ELP4: variants seen among roughly 807,000 people sequenced by gnomAD.
ELP4 encodes elongator acetyltransferase complex subunit 4, also known as elongator complex protein 4.
A neutral mutation model predicts 48.9 loss-of-function variants in ELP4; 51 were observed. The observed-to-expected ratio is 1.04, with a 90% CI of 0.83 to 1.32. The LOEUF (loss-of-function observed/expected upper bound fraction) is 1.32. Among genes scored for constraint, ELP4 ranks in the 40% most tolerant of loss-of-function variants. ELP4 has a pLI of 0.00. For missense variants in ELP4, 519 were observed against 514.6 expected (o/e 1.01, Z -0.08); for synonymous variants, 210 against 189.2 (o/e 1.11, Z -0.90).
chr11:31,703,974 A>G (rs1946577844), intron 9 of ELP4, among the ~76,000 whole-genome samples: 1 of 152,234 alleles, frequency 6.6e-6, no homozygotes, highest in South Asian at 2.1e-4. Context: ...TCAGCACTCT[A>G]ACTTAAGCTA....
rs2134291246 is a variant in ELP4 at position 31,783,536 on chromosome 11, T to C, written c.*12T>C. On this transcript the variant is annotated 3_prime_UTR_variant, in exon 10 of 10. Transcript: ENST00000640961. Reference sequence around the variant, plus strand: ...ACCTGGACTTCTAGGGATTCCTCCTTAGTCGCTGCATGCAGAATTCTATGA... The same window carrying C: ...ACCTGGACTTCTAGGGATTCCTCCTCAGTCGCTGCATGCAGAATTCTATGA... 5 of 1,612,350 alleles carry C rather than the reference T, an allele frequency of 3.1e-6. No individual in the cohort carries two copies. The East Asian group carries it at 6.7e-5, about 22-fold the overall frequency.
chr11:31,588,780 C>T (rs1033773496), intron 3 of ELP4, among the ~76,000 whole-genome samples: 21 of 152,076 alleles, frequency 1.4e-4, no homozygotes, highest in Admixed American at 9.2e-4. Flanking sequence ...GTCAGGAGTT[C>T]AAGACCAGCC....
In ELP4 at chr11:31,789,646, T is replaced by C; in HGVS notation, c.*6122T>C. ...CCATCCAGTCTACATTGTTCTTTTT[T>C]TCATTATAACATACAAATGCCCATT... On this transcript the variant is annotated 3_prime_UTR_variant, in exon 10 of 10. Transcript: ENST00000640961. The C allele has an allele frequency of 1.4e-6, 1 of 698,376 alleles. No individual in the cohort carries two copies. The allele number at this position is 698,376 out of a possible 1,614,324, so 43.3% of individuals were successfully genotyped here.
chr11:31,722,665 T>TTCTCTC (rs71060499), intron 9 of ELP4, among the ~76,000 whole-genome samples: 12 of 144,286 alleles, frequency 8.3e-5, no homozygotes, highest in South Asian at 2.2e-4. Flanking sequence ...AAGGTGTCTC[T>TTCTCTC]TCTCTCTCTC....
intron 9 of ELP4, among the ~76,000 whole-genome samples, chr11:31,733,199 G>A (rs920841495): frequency 4.6e-5 from 7 of 152,082 alleles, no homozygotes; most frequent in Non-Finnish European, 5.9e-5. Flanking sequence ...GATTAAAATG[G>A]GCATGGTGGC....
chr11:31,752,249 G>A (rs1947736635), intron 9 of ELP4, among the ~76,000 whole-genome samples: 1 of 151,424 alleles, frequency 6.6e-6, no homozygotes. Flanking sequence ...AAATGTACTT[G>A]ATATAACTTA....
At chr11:31,703,165 G>A (rs1273175989) in intron 9 of ELP4, among the ~76,000 whole-genome samples, 1 of 152,126 alleles carries the variant, frequency 6.6e-6, no homozygotes, top group Non-Finnish European at 1.5e-5. Context: ...GTGACTACGT[G>A]TTTGGTCTCC....
chr11:31,729,498 A>C (rs1043968272), intron 9 of ELP4, among the ~76,000 whole-genome samples: 1 of 152,236 alleles, frequency 6.6e-6, no homozygotes, highest in Non-Finnish European at 1.5e-5. Flanking sequence ...ATACTGACAT[A>C]CTAGAAATTA....
At chr11:31,570,053 G>A (rs2996462) in intron 3 of ELP4, among the ~76,000 whole-genome samples, 59,136 of 152,056 alleles carry the variant, frequency 0.39, 15,077 homozygotes, top group African/African-American at 0.72. Context: ...AAAAAGGCAC[G>A]TCCATATGTA....
rs193061824 is a variant in ELP4, at chr11:31,615,801, A to G, written c.654-11309A>G. ...ACTGAGCAAGTGGTAATTTTGTATT[A>G]GTCCCATCCCTTCATACCTCTTTAA... On this transcript the variant is annotated intron_variant, in intron 5 of 9. Coordinates refer to ENST00000640961, the MANE Select transcript of ELP4 (RefSeq NM_019040.5). Among the ~76,000 whole-genome samples, 231 of 152,084 alleles carry G rather than the reference A, an allele frequency of 1.5e-3. 1 individual carries two copies. Among genetic ancestry groups the G allele is most frequent in the African/African-American group, 5.3e-3 (221 of 41,540 alleles).
At position 31,693,494 on chromosome 11, in the gene ELP4, C is replaced by A. The variant is rs190861389; in HGVS notation, c.1143+43273C>A. Among the ~76,000 whole-genome samples, 13 of 152,110 alleles carry A rather than the reference C, an allele frequency of 8.5e-5. 1 individual carries two copies. The highest frequency in any genetic ancestry group is 6.6e-4 in the Admixed American group (10 of 15,260). ...TCCCTACAAAGGACATGAACTCATC[C>A]TTTTTTATGGCTGCATAGTATTCCA... On this transcript the variant is annotated intron_variant, in intron 9 of 9. Coordinates refer to ENST00000640961, the MANE Select transcript of ELP4 (RefSeq NM_019040.5).
At chr11:31,541,082 A>G (rs1206852903) in intron 3 of ELP4, among the ~76,000 whole-genome samples, 1 of 152,210 alleles carries the variant, frequency 6.6e-6, no homozygotes, top group Admixed American at 6.5e-5. Flanking sequence ...TTTAGTACAT[A>G]GTTTGCAAAA....
chr11:31,669,568 T>C (rs943291476), intron 9 of ELP4, among the ~76,000 whole-genome samples: 1 of 152,186 alleles, frequency 6.6e-6, no homozygotes, highest in African/African-American at 2.4e-5. Flanking sequence ...TCTACAACAT[T>C]ATTTTAATTT....
intron 9 of ELP4, among the ~76,000 whole-genome samples, chr11:31,758,178 G>C (rs529470280): frequency 1.3e-5 from 2 of 152,154 alleles, no homozygotes; most frequent in Non-Finnish European, 2.9e-5. Flanking sequence ...TTTCAACACA[G>C]CTTAAAGTTA....
chr11:31,688,908 A>G (rs1417624125), intron 9 of ELP4, among the ~76,000 whole-genome samples: 1 of 152,172 alleles, frequency 6.6e-6, no homozygotes, highest in Admixed American at 6.5e-5. Flanking sequence ...AGCTCTTATC[A>G]TTGGGAGAAC....
intron 9 of ELP4, among the ~76,000 whole-genome samples, chr11:31,750,315 CAA>C (rs1947693328): frequency 6.6e-6 from 1 of 152,182 alleles, no homozygotes; most frequent in Non-Finnish European, 1.5e-5. Context: ...GCATAGCTCT[CAA>C]GAGTTGTGGT....
At chr11:31,577,271 T>A (rs1258726882) in intron 3 of ELP4, among the ~76,000 whole-genome samples, 1 of 152,108 alleles carries the variant, frequency 6.6e-6, no homozygotes, top group African/African-American at 2.4e-5. Flanking sequence ...AATAACAGAT[T>A]CTGAAATTGA....
chr11:31,649,755 T>C (rs1945281665), intron 8 of ELP4: 2 of 169,722 alleles, frequency 1.2e-5, no homozygotes, highest in Non-Finnish European at 2.5e-5. Flanking sequence ...TAAAGATCAC[T>C]CAGTGGTGCC....
At chr11:31,699,786 A>T (rs1946483128) in intron 9 of ELP4, among the ~76,000 whole-genome samples, 1 of 152,146 alleles carries the variant, frequency 6.6e-6, no homozygotes, top group Non-Finnish European at 1.5e-5. Flanking sequence ...ATGGCACATC[A>T]CCTTGATGTG....
Sources: allele counts gnomAD v4.1 joint callset (sites outside exome capture counted in the v4.1 genomes callset), GRCh38; gene constraint gnomAD v4.1.1; transcripts MANE v1.5; gene names NCBI Gene and HGNC (gene_info 2026-07-23, HGNC 2026-07-21).